CPSF6: variants seen among roughly 807,000 people sequenced by gnomAD.
CPSF6 encodes the protein cleavage and polyadenylation specificity factor subunit 6.
In CPSF6, 10 loss-of-function variants were observed where a neutral mutation model predicts 56.7. The observed-to-expected ratio is 0.18, with a 90% CI of 0.11 to 0.30. CPSF6 has a LOEUF of 0.30. CPSF6 is among the 10% of genes least tolerant of loss of function. The pLI, the probability that CPSF6 is intolerant of heterozygous loss-of-function variation, is 1.00. For synonymous variants in CPSF6, 248 were observed against 244.8 expected (o/e 1.01, Z -0.12); for missense variants, 419 against 722.9 (o/e 0.58, Z 4.82).
At chr12:69,250,348 T>C (rs1189205382) in intron 1 of CPSF6, among the ~76,000 whole-genome samples, 3 of 152,116 alleles carry the variant, frequency 2.0e-5, no homozygotes, top group South Asian at 2.1e-4. Context: ...TTATTACTTC[T>C]AGTTAAGAGT....
At position 69,262,395 on chromosome 12, in the gene CPSF6, G is replaced by T; in HGVS notation, c.1492G>T (p.Asp498Tyr). 6.2e-7 allele frequency: 1 copy of T among 1,608,222 alleles called. No homozygotes were observed. The highest frequency in any genetic ancestry group is 1.1e-5 in the South Asian group (1 of 90,348). The stretch of plus-strand genomic sequence containing the variant: ...AAGACGTGAACGATCAAGAGAGAGG[G>T]ACCATAGTAGATCACGAGAAAAGAG... ...GSRRERSRERDHSRSREKSRR... is the reference protein window; with the variant it reads ...GSRRERSRERYHSRSREKSRR... The change falls in exon 9 of 10, where the codon GAC (aspartate) becomes TAC (tyrosine). Residue 498 changes from aspartate (D) to tyrosine (Y), a missense_variant. By Grantham distance (160) the Asp-to-Tyr change is radical. This residue lies in a region of CPSF6 where 81 missense variants were observed against 193.6 expected (regional missense o/e 0.42). Transcript: ENST00000435070.
rs1217132011 is a variant in CPSF6, at chr12:69,258,498, CTA to C, written c.695-90_695-89del. 1.5e-6 allele frequency: 2 copies of C among 1,294,726 alleles called. No individual in the cohort carries two copies. The highest frequency in any genetic ancestry group is 3.0e-5 in the African/African-American group (2 of 66,742). The allele number at this position is 1,294,726 out of a possible 1,614,324, so 80.2% of individuals were successfully genotyped here. A position where few individuals can be genotyped will look rare whatever the true frequency, so the allele number is the denominator to read the frequency against. On this transcript the variant is annotated intron_variant, in intron 5 of 9. Coordinates refer to ENST00000435070, the MANE Select transcript of CPSF6 (RefSeq NM_007007.3). This position sits in a 1 kb window ranked among gnomAD's most constrained non-coding sequence, Gnocchi z 4.2. ...TAAAGACAAAGACTTGGTGTATGCTCTATGCGTTTAAAGTATAATCTTGGCAT... is the reference window on the plus strand; with the variant it reads ...TAAAGACAAAGACTTGGTGTATGCTCTGCGTTTAAAGTATAATCTTGGCAT...
chr12:69,239,703 C>T lies in CPSF6; in HGVS notation c.57C>T (p.Asn19=), dbSNP rs1323654076. ...DIYADVGEEF[N]QEAEYGGHDQ... is the part of the protein sequence containing the mutation. ...ACGCGGATGTCGGCGAAGAGTTCAA[C>T]CAGGTACGTGAGAGCCCAGGTCCCC... The change falls in exon 1 of 10, where the codon AAC becomes AAT. Residue 19 remains asparagine, a synonymous_variant. Coordinates refer to ENST00000435070, the MANE Select transcript of CPSF6 (RefSeq NM_007007.3). The T allele has an allele frequency of 1.3e-6, 2 of 1,587,584 alleles. No homozygotes were observed. The highest frequency in any genetic ancestry group is 1.7e-6 in the Non-Finnish European group (2 of 1,167,946).
chr12:69,254,841 T>C (rs962760181), intron 3 of CPSF6, among the ~76,000 whole-genome samples: 4 of 152,250 alleles, frequency 2.6e-5, no homozygotes, highest in Non-Finnish European at 5.9e-5. Flanking sequence ...TAGAATATCC[T>C]GTAACTATAC....
intron 9 of CPSF6, among the ~76,000 whole-genome samples, chr12:69,263,740 A>G (rs1872848675): frequency 6.6e-6 from 1 of 152,082 alleles, no homozygotes; most frequent in African/African-American, 2.4e-5. Context: ...CATAACAGAT[A>G]CGCAAATGAA....
rs1565653012 is a variant in CPSF6, at chr12:69,270,989, AT to A, written c.*1482del. 6.6e-6 allele frequency: 1 copy of A among 151,776 alleles called. No homozygotes were observed. The highest frequency in any genetic ancestry group is 2.4e-5 in the African/African-American group (1 of 41,428). 9.4% of individuals were successfully genotyped at this position (151,776 alleles called of 1,614,324 possible). A position where few individuals can be genotyped will look rare whatever the true frequency, so the allele number is the denominator to read the frequency against. Reference sequence around the variant, plus strand: ...CTAGGACAATGCTTAAAGTGTTAAAATACCCTAGATACTGTGTTATGTGCAA... The same window carrying A: ...CTAGGACAATGCTTAAAGTGTTAAAAACCCTAGATACTGTGTTATGTGCAA... On this transcript the variant is annotated 3_prime_UTR_variant, in exon 10 of 10. Transcript: ENST00000435070.
intron 1 of CPSF6, among the ~76,000 whole-genome samples, chr12:69,244,257 A>G (rs1015444959): frequency 2.6e-5 from 4 of 152,098 alleles, no homozygotes; most frequent in Non-Finnish European, 5.9e-5. Flanking sequence ...TTGTTTTGAG[A>G]TGGAGTCTCG....
chr12:69,250,590 C>CAAAAAAAAAAAAA (rs61337613), intron 1 of CPSF6, among the ~76,000 whole-genome samples: 3 of 48,834 alleles, frequency 6.1e-5, no homozygotes, highest in African/African-American at 1.1e-4. Context: ...CTGGTCTCTA[C>CAAAAAAAAAAAAA]AAAAAAAAAA....
chr12:69,268,608 CTT>C (rs1873103528), intron 9 of CPSF6, among the ~76,000 whole-genome samples: 1 of 151,766 alleles, frequency 6.6e-6, no homozygotes, highest in Non-Finnish European at 1.5e-5. Flanking sequence ...TCTTAAATCA[CTT>C]TATTATTGAA....
rs754968245 is a variant in CPSF6, at chr12:69,239,607, A to AGGAGGC, written c.-37_-32dup. On this transcript the variant is annotated 5_prime_UTR_variant, in exon 1 of 10. Coordinates refer to ENST00000435070, the MANE Select transcript of CPSF6 (RefSeq NM_007007.3). ...CTGCTGCCGCGGCGGGCAGACCTGC[A>AGGAGGC]GGAGGCGGCGGCGGCGGCGGCGGCC... is the stretch of plus-strand genomic sequence containing the variant. The AGGAGGC allele has an allele frequency of 5.2e-6, 8 of 1,537,156 alleles. No homozygotes were observed. Among genetic ancestry groups the AGGAGGC allele is most frequent in the Admixed American group, 4.0e-5 (2 of 50,360 alleles).
Position 69,272,498 on chromosome 12 carries a change from T to A in CPSF6, c.*2990T>A, listed in dbSNP as rs899456408. 6.6e-6 allele frequency: 1 copy of A among 151,764 alleles called. No homozygotes were observed. The highest frequency in any genetic ancestry group is 1.5e-5 in the Non-Finnish European group (1 of 67,674). 9.4% of individuals were successfully genotyped at this position (151,764 alleles called of 1,614,324 possible). A position where few individuals can be genotyped will look rare whatever the true frequency, so the allele number is the denominator to read the frequency against. ...GTGCCAATCTAAATACATACTGTTTTATACAATGAGATGCATTACAAGACT... is the reference window on the plus strand; with the variant it reads ...GTGCCAATCTAAATACATACTGTTTAATACAATGAGATGCATTACAAGACT... On this transcript the variant is annotated 3_prime_UTR_variant, in exon 10 of 10. Coordinates refer to ENST00000435070, the MANE Select transcript of CPSF6 (RefSeq NM_007007.3).
At chr12:69,268,540 G>A (rs1039685881) in intron 9 of CPSF6, among the ~76,000 whole-genome samples, 1 of 151,536 alleles carries the variant, frequency 6.6e-6, no homozygotes, top group African/African-American at 2.4e-5. Flanking sequence ...ACTAAACTGT[G>A]CCCTATGAAC....
rs1873186002 is a variant in CPSF6, at chr12:69,270,343, A to G, written c.*835A>G. 1 of 152,186 alleles carries G rather than the reference A, an allele frequency of 6.6e-6. No homozygotes were observed. The highest frequency in any genetic ancestry group is 1.5e-5 in the Non-Finnish European group (1 of 67,702). 9.4% of individuals were successfully genotyped at this position (152,186 alleles called of 1,614,324 possible). ...AACACATAAGTAAAAACCCGTACAT[A>G]TTTGATGTGTAATGCAGGTTAATTA... On this transcript the variant is annotated 3_prime_UTR_variant, in exon 10 of 10. Transcript: ENST00000435070.
intron 1 of CPSF6, among the ~76,000 whole-genome samples, chr12:69,239,964 T>G (rs1367546944): frequency 6.7e-6 from 1 of 150,246 alleles, no homozygotes; most frequent in African/African-American, 2.4e-5. Context: ...CGCCGGCTCC[T>G]CCCTCGCCGG....
chr12:69,241,258 GT>G (rs1255273267), intron 1 of CPSF6, among the ~76,000 whole-genome samples: 2 of 152,190 alleles, frequency 1.3e-5, no homozygotes, highest in African/African-American at 4.8e-5. Context: ...TTGTGCTTAT[GT>G]TTTAAATAAT....
At chr12:69,242,588 A>G (rs1041949079) in intron 1 of CPSF6, among the ~76,000 whole-genome samples, 1 of 152,134 alleles carries the variant, frequency 6.6e-6, no homozygotes, top group Non-Finnish European at 1.5e-5. Context: ...GGTTCTCTTT[A>G]GTTCTTAGAG....
chr12:69,262,514 C>CCGTGACCGAGAG lies in CPSF6; in HGVS notation c.1626_1637dup (p.Asp543_Arg546dup), dbSNP rs765059447. On this transcript the variant is annotated inframe_insertion, in exon 9 of 10. Coordinates refer to ENST00000435070, the MANE Select transcript of CPSF6 (RefSeq NM_007007.3). ...AGAGGCACCGGGATCGTGACCGAGA[C>CCGTGACCGAGAG]CGTGACCGAGAGCGTGACCGAGAGC... The CCGTGACCGAGAG allele has an allele frequency of 6.2e-6, 10 of 1,613,790 alleles. No individual in the cohort carries two copies. The highest frequency in any genetic ancestry group is 1.3e-5 in the African/African-American group (1 of 74,938).
intron 9 of CPSF6, 87 bp from the exon 10 acceptor site, chr12:69,269,425 G>A: frequency 2.4e-6 from 1 of 422,784 alleles, no homozygotes; most frequent in Non-Finnish European, 4.7e-6. Flanking sequence ...GTAGATGCAC[G>A]ACTTGTGTAT....
chr12:69,239,837 G>T lies in CPSF6; in HGVS notation c.60+131G>T, dbSNP rs1592787479. The T allele has an allele frequency of 2.1e-5, 16 of 761,354 alleles. No homozygotes were observed. The South Asian group carries it at 7.8e-4, about 37-fold the overall frequency. 47.2% of individuals were successfully genotyped at this position (761,354 alleles called of 1,614,324 possible). A position where few individuals can be genotyped will look rare whatever the true frequency, so the allele number is the denominator to read the frequency against. The stretch of plus-strand genomic sequence containing the variant: ...GCCCTTGCCGCCTCTGGGCCGCGCC[G>T]CCGACCCCTGGCGTGGCGCCCCCCC... On this transcript the variant is annotated intron_variant, in intron 1 of 9. Transcript: ENST00000435070.
Sources: gnomAD v4.1 joint callset for allele counts (sites outside exome capture counted in the v4.1 genomes callset) on GRCh38, gnomAD v4.1.1 for gene constraint, gnomAD v4.1.1 regional missense constraint, Gnocchi (gnomAD v3.1) non-coding constraint, MANE v1.5 for transcripts, NCBI Gene and HGNC (gene_info 2026-07-23, HGNC 2026-07-21) for gene names.